The following RBPJ variants were observed in gnomAD, a reference collection of about 807,000 sequenced individuals.
RBPJ encodes the protein recombining binding protein suppressor of hairless.
RBPJ carries 9 observed loss-of-function variants against 67.8 expected under a neutral mutation model. The ratio of observed to expected loss-of-function variants is 0.13; its 90% CI spans 0.08 to 0.23. The LOEUF (loss-of-function observed/expected upper bound fraction) is 0.23, where lower values mean the gene tolerates loss of function less well. Among genes scored for constraint, RBPJ ranks in the 10% least tolerant of loss-of-function variants. RBPJ has a pLI of 1.00. For missense variants in RBPJ, 305 were observed against 595.6 expected, an observed-to-expected ratio of 0.51 and a Z score of 5.08; for synonymous variants, 198 against 203.3, an observed-to-expected ratio of 0.97 and a Z score of 0.22.
At chr4:26,150,923 A>T in the RBPJ span, among the ~76,000 whole-genome samples, 26 of 152,312 alleles carry the variant, frequency 1.7e-4, no homozygotes, top group African/African-American at 5.3e-4. Flanking sequence ...TGTGCCCTCC[A>T]AGATGTAAAG....
chr4:26,214,593 G>A (rs1366484074), intron 1 of RBPJ, among the ~76,000 whole-genome samples: 2 of 131,154 alleles, frequency 1.5e-5, no homozygotes, highest in African/African-American at 6.0e-5. Flanking sequence ...AAGGAAGGAA[G>A]GGAGGAAACA....
chr4:26,431,643 C>G lies in RBPJ; in HGVS notation c.*636C>G, dbSNP rs1227980986. The G allele has an allele frequency of 6.7e-6, 1 of 149,694 alleles. No individual in the cohort carries two copies. The highest frequency in any genetic ancestry group is 1.5e-5 in the Non-Finnish European group (1 of 67,566). 9.3% of individuals were successfully genotyped at this position (149,694 alleles called of 1,614,324 possible). A position where few individuals can be genotyped will look rare whatever the true frequency, so the allele number is the denominator to read the frequency against. ...TTTCAGCTGAAGTCTTATGACTTTTCATGAGTCAAAATTGTTTGGATTTCA... is the reference window on the plus strand; with the variant it reads ...TTTCAGCTGAAGTCTTATGACTTTTGATGAGTCAAAATTGTTTGGATTTCA... On this transcript the variant is annotated 3_prime_UTR_variant, in exon 11 of 11. Transcript: ENST00000355476.
At chr4:26,165,566 G>A (rs957133192) in intron 1 of RBPJ, among the ~76,000 whole-genome samples, 3 of 152,116 alleles carry the variant, frequency 2.0e-5, no homozygotes, top group Admixed American at 2.0e-4. Context: ...ATGAGGGAAG[G>A]GGGAGGGAAA....
At chr4:26,342,667 T>C (rs1725669982) in intron 1 of RBPJ, among the ~76,000 whole-genome samples, 1 of 152,224 alleles carries the variant, frequency 6.6e-6, no homozygotes, top group African/African-American at 2.4e-5. Flanking sequence ...AATAGGTTTA[T>C]GTGGAATTTT....
intron 4 of RBPJ, among the ~76,000 whole-genome samples, chr4:26,416,011 C>G (rs1037973560): frequency 6.6e-6 from 1 of 152,092 alleles, no homozygotes; most frequent in African/African-American, 2.4e-5. Context: ...CTATTTTAAT[C>G]TTAGTTTTAT....
Position 26,244,912 on chromosome 4 carries a change from G to A in RBPJ, c.-167+81298G>A, listed in dbSNP as rs778708858. Among the ~76,000 whole-genome samples the A allele has an allele frequency of 1.2e-3, 184 of 152,006 alleles. 1 individual carries two copies. Among genetic ancestry groups the A allele is most frequent in the Non-Finnish European group, 1.9e-3 (131 of 67,976 alleles). ...GCCTCGCAAAGTGCTAGGATTACAG[G>A]CATGAATTTTAATTTCTAATAAGAA... On this transcript the variant is annotated intron_variant, in intron 1 of 4. Transcript: ENST00000512351.
chr4:26,150,450 A>T, the RBPJ span, among the ~76,000 whole-genome samples: 4 of 152,228 alleles, frequency 2.6e-5, no homozygotes, highest in Admixed American at 2.6e-4. Flanking sequence ...CACTCTGCAT[A>T]TCTACTTAAC....
Position 26,434,561 on chromosome 4 carries a change from T to A in RBPJ, c.*3554T>A, listed in dbSNP as rs1462921316. 1 of 152,244 alleles carries A rather than the reference T, an allele frequency of 6.6e-6. No homozygotes were observed. The highest frequency in any genetic ancestry group is 6.5e-5 in the Admixed American group (1 of 15,294). The allele number at this position is 152,244 out of a possible 1,614,324, so 9.4% of individuals were successfully genotyped here. ...TGGATGGTTAGAAACAATAATATAT[T>A]AGGGTTTCTGTTTAACCCTTTCAGG... On this transcript the variant is annotated 3_prime_UTR_variant, in exon 11 of 11. Coordinates refer to ENST00000355476, the MANE Select transcript of RBPJ (RefSeq NM_015874.6).
chr4:26,291,156 C>T (rs1395088111), intron 1 of RBPJ, among the ~76,000 whole-genome samples: 2 of 150,678 alleles, frequency 1.3e-5, no homozygotes, highest in Non-Finnish European at 3.0e-5. Context: ...GTGGAACAAT[C>T]CAGAGTCCAG....
At chr4:26,191,202 TATATATATAGAGAGAGAG>T (rs1401005186) in intron 1 of RBPJ, among the ~76,000 whole-genome samples, 3 of 32,194 alleles carry the variant, frequency 9.3e-5, no homozygotes, top group South Asian at 2.8e-3. Context: ...TATATATATA[TATATATATAGAGAGAGAG>T]AGAGAGAGAG....
the RBPJ span, among the ~76,000 whole-genome samples, chr4:26,141,957 T>C: frequency 1.3e-5 from 2 of 152,186 alleles, no homozygotes; most frequent in Admixed American, 1.3e-4. Context: ...TGCAGAGTGT[T>C]TATATAGATT....
intron 1 of RBPJ, among the ~76,000 whole-genome samples, chr4:26,232,041 A>G (rs1719307832): frequency 1.3e-5 from 2 of 151,206 alleles, no homozygotes; most frequent in African/African-American, 4.9e-5. Flanking sequence ...ACAGGCATGC[A>G]TCACCATGCT....
intron 1 of RBPJ, among the ~76,000 whole-genome samples, chr4:26,290,600 T>C: frequency 6.6e-6 from 1 of 150,798 alleles, no homozygotes; most frequent in Middle Eastern, 3.2e-3. Context: ...AATCCTGGAA[T>C]AGATAACTTT....
At chr4:26,369,485 C>G (rs1369569995) in intron 1 of RBPJ, among the ~76,000 whole-genome samples, 6 of 152,096 alleles carry the variant, frequency 3.9e-5, no homozygotes, top group Admixed American at 3.3e-4. Flanking sequence ...GGGATTTTTT[C>G]TTTGTTTGTT....
the RBPJ span, among the ~76,000 whole-genome samples, chr4:26,124,449 TATATATATATATAC>T: frequency 1.5e-5 from 2 of 132,260 alleles, no homozygotes; most frequent in African/African-American, 2.9e-5. Flanking sequence ...TATATATATA[TATATATATATATAC>T]CAGTTTCTTT....
intron 1 of RBPJ, among the ~76,000 whole-genome samples, chr4:26,333,413 T>G (rs1724461714): frequency 6.6e-6 from 1 of 152,188 alleles, no homozygotes; most frequent in South Asian, 2.1e-4. Context: ...TTAGATTACT[T>G]TAAATGAATT....
rs1719100708 is a variant in RBPJ, at chr4:26,227,098, A to G, written c.-167+63484A>G. ...GAGAGAATGTTTGCACAGCAACATT[A>G]GAAGGATACAAAACGCTTCACTGGA... is the stretch of plus-strand genomic sequence containing the variant. On this transcript the variant is annotated intron_variant, in intron 1 of 4. Transcript: ENST00000512351. Among the ~76,000 whole-genome samples the G allele has an allele frequency of 2.0e-5, 3 of 152,222 alleles. No homozygotes were observed. In the South Asian group the frequency reaches 6.2e-4, roughly 32 times the overall value.
At chr4:26,286,012 C>T (rs532069529) in intron 1 of RBPJ, among the ~76,000 whole-genome samples, 1 of 89,484 alleles carries the variant, frequency 1.1e-5, no homozygotes, top group South Asian at 3.6e-4. Context: ...CTGCTCAGTA[C>T]ACTTGCTTGA....
chr4:26,389,014 G>A (rs1292323659), intron 2 of RBPJ, among the ~76,000 whole-genome samples: 1 of 152,092 alleles, frequency 6.6e-6, no homozygotes, highest in Non-Finnish European at 1.5e-5. Context: ...TTGAGCTTAG[G>A]AGTTCAAGAT....
Sources: allele counts gnomAD v4.1 joint callset (sites outside exome capture counted in the v4.1 genomes callset), GRCh38; gene constraint gnomAD v4.1.1; transcripts MANE v1.5; gene names NCBI Gene and HGNC (gene_info 2026-07-23, HGNC 2026-07-21).